The following UIMC1 variants were observed in gnomAD, a reference collection of about 807,000 sequenced individuals.
The protein encoded by UIMC1 is ubiquitin interaction motif containing 1.
Under a neutral mutation model 84.9 loss-of-function variants are expected in UIMC1, and 42 were observed. The ratio of observed to expected loss-of-function variants is 0.49; its 90% CI spans 0.39 to 0.64. The LOEUF (loss-of-function observed/expected upper bound fraction) is 0.64. UIMC1 is among the 30% of genes least tolerant of loss of function. The pLI is 0.00. For missense variants in UIMC1, 825 were observed against 847.6 expected (o/e 0.97, Z 0.33); for synonymous variants, 281 against 293.0 (o/e 0.96, Z 0.42).
intron 1 of UIMC1, among the ~76,000 whole-genome samples, chr5:177,020,606 T>C (rs965191496): frequency 1.3e-5 from 2 of 152,182 alleles, no homozygotes; most frequent in Non-Finnish European, 2.9e-5. Flanking sequence ...AATTTTTTTG[T>C]ATTTTTAGTA....
At chr5:176,921,339 T>C (rs773060724) in intron 10 of UIMC1, among the ~76,000 whole-genome samples, 4 of 152,194 alleles carry the variant, frequency 2.6e-5, no homozygotes, top group Non-Finnish European at 5.9e-5. Context: ...GAAACATCAA[T>C]TTTTCCCTCT....
Position 176,943,508 on chromosome 5 carries a change from G to C in UIMC1, c.1444-20C>G. 6.2e-7 allele frequency: 1 copy of C among 1,612,286 alleles called. No homozygotes were observed. The highest frequency in any genetic ancestry group is 8.5e-7 in the Non-Finnish European group (1 of 1,179,058). Reference sequence around the variant, plus strand: ...ACCAACCTGAAGAACATGACAAACAGCAATCATAACAGCTTTAGTTCATAT... The same window carrying C: ...ACCAACCTGAAGAACATGACAAACACCAATCATAACAGCTTTAGTTCATAT... On this transcript the variant is annotated intron_variant, in intron 9 of 14. Transcript: ENST00000511320.
intron 10 of UIMC1, among the ~76,000 whole-genome samples, chr5:176,918,991 C>A (rs550214962): frequency 2.4e-4 from 37 of 152,184 alleles, no homozygotes; most frequent in African/African-American, 8.4e-4. Context: ...TTTTCCTAGT[C>A]GGTTCATTCT....
chr5:176,947,206 G>A (rs1765233907), intron 9 of UIMC1, among the ~76,000 whole-genome samples: 1 of 152,066 alleles, frequency 6.6e-6, no homozygotes, highest in African/African-American at 2.4e-5. Context: ...GTTAAAATAA[G>A]GTATTTTTTC....
intron 10 of UIMC1, among the ~76,000 whole-genome samples, chr5:176,924,596 T>C (rs1237508008): frequency 6.6e-6 from 1 of 151,934 alleles, no homozygotes; most frequent in Non-Finnish European, 1.5e-5. Context: ...GATATCTATA[T>C]AGAAGAAATA....
intron 9 of UIMC1, among the ~76,000 whole-genome samples, chr5:176,948,443 AAC>A (rs1765412074): frequency 6.6e-6 from 1 of 152,234 alleles, no homozygotes; most frequent in African/African-American, 2.4e-5. Flanking sequence ...CCTGCAAACC[AAC>A]AGAGTAAAAT....
intron 2 of UIMC1, 39 bp downstream of exon 2, chr5:176,982,430 G>A (rs1300070239): frequency 6.3e-7 from 1 of 1,585,590 alleles, no homozygotes; most frequent in Non-Finnish European, 8.6e-7. Context: ...AGCATAGTTT[G>A]AGAGCTACAG....
At chr5:176,987,144 C>T (rs1438850884) in intron 1 of UIMC1, among the ~76,000 whole-genome samples, 3 of 152,024 alleles carry the variant, frequency 2.0e-5, no homozygotes, top group East Asian at 1.9e-4. Context: ...CACTTGAACC[C>T]GGGAGGCAGA....
chr5:177,006,120 C>T (rs1328801899), intron 1 of UIMC1, among the ~76,000 whole-genome samples: 3 of 152,162 alleles, frequency 2.0e-5, no homozygotes, highest in Admixed American at 2.0e-4. Context: ...CGGCGCGGAC[C>T]ACGGCTGAGG....
chr5:176,946,881 A>AG (rs1371087017), intron 9 of UIMC1, among the ~76,000 whole-genome samples: 3 of 152,164 alleles, frequency 2.0e-5, no homozygotes, highest in Non-Finnish European at 2.9e-5. Flanking sequence ...GAAGGATGGC[A>AG]GGGGGGTAAA....
At chr5:176,954,994 A>T (rs1160892537) in intron 8 of UIMC1, among the ~76,000 whole-genome samples, 1 of 152,226 alleles carries the variant, frequency 6.6e-6, no homozygotes, top group Admixed American at 6.5e-5. Context: ...CAACATCTGT[A>T]TACTTGCTGT....
intron 2 of UIMC1, among the ~76,000 whole-genome samples, chr5:176,976,250 G>C (rs985370539): frequency 6.6e-6 from 1 of 152,090 alleles, no homozygotes; most frequent in Non-Finnish European, 1.5e-5. Context: ...AAGACTTCCA[G>C]GCTGCAGCAA....
In UIMC1 at chr5:176,906,531, A is replaced by G. The variant is rs149272623; in HGVS notation, c.1913-484T>C. Reference sequence around the variant, plus strand: ...TGGTGAATTTTAACAATAGCGACTAATAACAACAGTAATAATAGCAGCTAA... The same window carrying G: ...TGGTGAATTTTAACAATAGCGACTAGTAACAACAGTAATAATAGCAGCTAA... On this transcript the variant is annotated intron_variant, in intron 13 of 14. Transcript: ENST00000511320. Among the ~76,000 whole-genome samples, 1,000 of 152,348 alleles carry G rather than the reference A, an allele frequency of 6.6e-3. 8 individuals carry two copies. Among genetic ancestry groups the G allele is most frequent in the African/African-American group, 0.023 (948 of 41,580 alleles).
intron 1 of UIMC1, among the ~76,000 whole-genome samples, chr5:177,013,399 CACAA>C (rs1427197960): frequency 1.3e-5 from 2 of 149,574 alleles, no homozygotes; most frequent in Non-Finnish European, 3.0e-5. Flanking sequence ...CACACACACA[CACAA>C]AGATACTTTC....
chr5:176,955,320 G>A (rs1766457945), intron 8 of UIMC1, among the ~76,000 whole-genome samples: 1 of 152,066 alleles, frequency 6.6e-6, no homozygotes, highest in Non-Finnish European at 1.5e-5. Context: ...AGCACTTAAC[G>A]AGGTTAAGCA....
chr5:177,007,379 AAAAT>A (rs1412987733), upstream of UIMC1, among the ~76,000 whole-genome samples: 230 of 152,114 alleles, frequency 1.5e-3, no homozygotes, highest in African/African-American at 5.3e-3. Context: ...AAAGAAAAGA[AAAAT>A]ACAGACACTC....
chr5:176,977,120 G>T lies in UIMC1; in HGVS notation c.148-1640C>A, dbSNP rs186836484. 9.1e-3 allele frequency among the ~76,000 whole-genome samples: 1,384 copies of T among 151,614 alleles called. 8 individuals carry two copies. The highest frequency in any genetic ancestry group is 0.025 in the South Asian group (120 of 4,798). On this transcript the variant is annotated intron_variant, in intron 2 of 14. Coordinates refer to ENST00000511320, the MANE Select transcript of UIMC1 (RefSeq NM_001199298.2). Reference sequence around the variant, plus strand: ...TGCCTGTAATCCCAGCTACTCAGGAGACTGAGGCATGAGAATCACTTGAAC... The same window carrying T: ...TGCCTGTAATCCCAGCTACTCAGGATACTGAGGCATGAGAATCACTTGAAC...
chr5:176,937,575 A>G (rs1392116149), intron 10 of UIMC1, among the ~76,000 whole-genome samples: 1 of 152,242 alleles, frequency 6.6e-6, no homozygotes, highest in Non-Finnish European at 1.5e-5. Flanking sequence ...TGAGCAAAAA[A>G]CTGAGTAGAC....
At position 176,907,113 on chromosome 5, in the gene UIMC1, C is replaced by T; in HGVS notation, c.1912+1G>A. On this transcript the variant is annotated splice_donor_variant, in intron 13 of 14. Coordinates refer to ENST00000511320, the MANE Select transcript of UIMC1 (RefSeq NM_001199298.2). LOFTEE classifies it high-confidence loss of function. The stretch of plus-strand genomic sequence containing the variant: ...CAGAAAACTGGTCCTGGGGTCCTCA[C>T]CTGAAGTCTTGTGCTCAGACTGTTC... 6.2e-7 allele frequency: 1 copy of T among 1,613,764 alleles called. No homozygotes were observed.
Sources: allele counts gnomAD v4.1 joint callset (sites outside exome capture counted in the v4.1 genomes callset), GRCh38; gene constraint gnomAD v4.1.1; transcripts MANE v1.5; gene names NCBI Gene and HGNC (gene_info 2026-07-23, HGNC 2026-07-21).